The following CHCHD6 variants were observed in gnomAD, a reference collection of about 807,000 sequenced individuals.
CHCHD6 encodes MICOS complex subunit MIC25.
In CHCHD6, 28 loss-of-function variants were observed where a neutral mutation model predicts 32.3. The observed-to-expected ratio is 0.87, with a 90% confidence interval of 0.64 to 1.19. The LOEUF is 1.19. Ranked by LOEUF, CHCHD6 falls within the 50% of genes most tolerant of loss-of-function variation. The probability of loss-of-function intolerance (pLI) is 0.00; values close to 1 mark genes in which losing one functional copy is unlikely to be tolerated. For synonymous variants in CHCHD6, 122 were observed against 117.5 expected (o/e 1.04, Z -0.25); for missense variants, 333 against 307.0 (o/e 1.08, Z -0.63).
At chr3:126,844,559 ATC>A (rs1173919196) in intron 4 of CHCHD6, among the ~76,000 whole-genome samples, 6 of 152,212 alleles carry the variant, frequency 3.9e-5, no homozygotes, top group African/African-American at 9.6e-5. Flanking sequence ...TGCACAATAT[ATC>A]TTTTTCCTTT....
intron 4 of CHCHD6, among the ~76,000 whole-genome samples, chr3:126,821,650 G>A (rs941102479): frequency 6.6e-6 from 1 of 150,994 alleles, no homozygotes; most frequent in Non-Finnish European, 1.5e-5. Context: ...TTCCAAAGGA[G>A]TATATGACGG....
chr3:126,953,270 A>G (rs9858943), intron 6 of CHCHD6: 5,673 of 365,176 alleles, frequency 0.016, 328 homozygotes, highest in African/African-American at 0.12. Context: ...TTGAAGAGAC[A>G]CCATGATTAT....
At chr3:126,767,990 T>C (rs949896008) in intron 4 of CHCHD6, among the ~76,000 whole-genome samples, 1 of 152,212 alleles carries the variant, frequency 6.6e-6, no homozygotes, top group Non-Finnish European at 1.5e-5. Flanking sequence ...GTTTATCCAG[T>C]GTACCATGGA....
intron 5 of CHCHD6, among the ~76,000 whole-genome samples, chr3:126,860,373 A>T (rs951908641): frequency 3.3e-5 from 5 of 151,706 alleles, no homozygotes; most frequent in African/African-American, 1.2e-4. Context: ...GCATGTTCTC[A>T]CTCACAGGTG....
intron 6 of CHCHD6, among the ~76,000 whole-genome samples, chr3:126,943,928 A>G (rs2078598159): frequency 6.6e-6 from 1 of 152,228 alleles, no homozygotes; most frequent in Non-Finnish European, 1.5e-5. Flanking sequence ...TATGAACTTC[A>G]TGAAAACTAA....
At chr3:126,709,212 T>C (rs1040026860) in intron 1 of CHCHD6, among the ~76,000 whole-genome samples, 4 of 152,238 alleles carry the variant, frequency 2.6e-5, no homozygotes, top group Non-Finnish European at 5.9e-5. Context: ...GGACTGACTG[T>C]AAACGTAAAT....
intron 5 of CHCHD6, among the ~76,000 whole-genome samples, chr3:126,865,340 C>T (rs865858628): frequency 7.3e-5 from 11 of 150,910 alleles, no homozygotes; most frequent in Non-Finnish European, 1.6e-4. Context: ...ACCAACTGCT[C>T]CACCAACCCC....
chr3:126,718,342 G>T (rs1935122012), intron 1 of CHCHD6, among the ~76,000 whole-genome samples: 1 of 152,188 alleles, frequency 6.6e-6, no homozygotes, highest in South Asian at 2.1e-4. Context: ...AATATCAATT[G>T]TTTACATTGT....
chr3:126,857,923 C>T (rs1941715943), intron 5 of CHCHD6, among the ~76,000 whole-genome samples: 1 of 152,180 alleles, frequency 6.6e-6, no homozygotes, highest in Non-Finnish European at 1.5e-5. Flanking sequence ...CATGGGTATG[C>T]CCCAGGACCT....
chr3:126,960,335 G>A lies in CHCHD6; in HGVS notation c.*134G>A, dbSNP rs989131684. 28 of 1,027,828 alleles carry A rather than the reference G, an allele frequency of 2.7e-5. No individual in the cohort carries two copies. The highest frequency in any genetic ancestry group is 1.0e-4 in the Admixed American group (5 of 48,052). The allele number at this position is 1,027,828 out of a possible 1,614,324, so 63.7% of individuals were successfully genotyped here. Reference sequence around the variant, plus strand: ...ATGCCCCTGAGCCTGGGGCTGCCACGTGTTTAGGAAACAAAGTATGCGCTA... The same window carrying A: ...ATGCCCCTGAGCCTGGGGCTGCCACATGTTTAGGAAACAAAGTATGCGCTA... On this transcript the variant is annotated 3_prime_UTR_variant, in exon 8 of 8. Coordinates refer to ENST00000290913, the MANE Select transcript of CHCHD6 (RefSeq NM_032343.3).
intron 6 of CHCHD6, chr3:126,935,222 C>T (rs2078462533): frequency 1.2e-6 from 1 of 859,712 alleles, no homozygotes; most frequent in Non-Finnish European, 1.4e-6. Flanking sequence ...TGGCATGAGG[C>T]AGAGGGCTCA....
chr3:126,744,433 C>T (rs1038132033), intron 4 of CHCHD6, among the ~76,000 whole-genome samples: 3 of 152,164 alleles, frequency 2.0e-5, no homozygotes, highest in African/African-American at 7.2e-5. Context: ...GAGAAAAGTC[C>T]GATTCTTTCC....
At chr3:126,745,731 A>G (rs1240044971) in intron 4 of CHCHD6, among the ~76,000 whole-genome samples, 1 of 152,174 alleles carries the variant, frequency 6.6e-6, no homozygotes, top group Non-Finnish European at 1.5e-5. Context: ...TAATTCTAAA[A>G]CAGACCTTCC....
At chr3:126,784,603 C>T (rs1938110716) in intron 4 of CHCHD6, among the ~76,000 whole-genome samples, 1 of 152,164 alleles carries the variant, frequency 6.6e-6, no homozygotes, top group Admixed American at 6.5e-5. Flanking sequence ...CACCGTCCCA[C>T]CCTCACTCAT....
chr3:126,824,581 A>AAAAAAG (rs1940306562), intron 4 of CHCHD6, among the ~76,000 whole-genome samples: 1 of 147,386 alleles, frequency 6.8e-6, no homozygotes, highest in East Asian at 2.0e-4. Context: ...AAAAAAAAAA[A>AAAAAAG]GTCAAATGTT....
intron 6 of CHCHD6, among the ~76,000 whole-genome samples, chr3:126,931,030 G>T (rs1275238639): frequency 1.3e-5 from 2 of 152,238 alleles, no homozygotes; most frequent in African/African-American, 4.8e-5. Context: ...CTGCTGCCCA[G>T]ACTGGCTGCC....
intron 6 of CHCHD6, among the ~76,000 whole-genome samples, chr3:126,919,403 G>A (rs759352965): frequency 1.4e-5 from 2 of 145,756 alleles, no homozygotes; most frequent in African/African-American, 2.6e-5. Context: ...AGCCTCAACC[G>A]CCTGGGCTCA....
At position 126,787,305 on chromosome 3, in the gene CHCHD6, C is replaced by T. The variant is rs372851800; in HGVS notation, c.411+54083C>T. On this transcript the variant is annotated intron_variant, in intron 4 of 7. Transcript: ENST00000290913. ...TTGGCTTAGGATTGACTTGGCAATG[C>T]GGGCTCTTTTTTGGTTCCATATGAA... Among the ~76,000 whole-genome samples the T allele has an allele frequency of 8.9e-4, 135 of 152,120 alleles. 1 individual carries two copies. In the South Asian group the frequency reaches 0.014, roughly 15 times the overall value.
At position 126,849,043 on chromosome 3, in the gene CHCHD6, G is replaced by T. The variant is rs144445887; in HGVS notation, c.412-3604G>T. ...GGTCCTGGTGATATTGCAGAGCCAGGAACTGAGTGACTAGGTTCATTTGTG... is the reference window on the plus strand; with the variant it reads ...GGTCCTGGTGATATTGCAGAGCCAGTAACTGAGTGACTAGGTTCATTTGTG... On this transcript the variant is annotated intron_variant, in intron 4 of 7. Transcript: ENST00000290913. 1.6e-3 allele frequency among the ~76,000 whole-genome samples: 242 copies of T among 152,344 alleles called. 1 individual carries two copies. The highest frequency in any genetic ancestry group is 2.9e-3 in the Non-Finnish European group (197 of 68,028).
Sources: gnomAD v4.1 joint callset for allele counts (sites outside exome capture counted in the v4.1 genomes callset) on GRCh38, gnomAD v4.1.1 for gene constraint, MANE v1.5 for transcripts, NCBI Gene and HGNC (gene_info 2026-07-23, HGNC 2026-07-21) for gene names.